KRTAP19-1: variants seen among roughly 807,000 people sequenced by gnomAD.
The protein encoded by KRTAP19-1 is keratin-associated protein 19-1.
For synonymous variants in KRTAP19-1, 45 were observed against 48.3 expected (o/e 0.93, Z 0.28); for missense variants, 116 against 113.6 (o/e 1.02, Z -0.10).
rs1313268568 is a variant in KRTAP19-1 at position 30,480,175 on chromosome 21, G to C, written c.143C>G (p.Ser48Cys). 6 of 1,613,592 alleles carry C rather than the reference G, an allele frequency of 3.7e-6. No individual in the cohort carries two copies. Among genetic ancestry groups the C allele is most frequent in the Non-Finnish European group, 5.1e-6 (6 of 1,179,736 alleles). The change falls in exon 1 of 1, where the codon TCT (serine) becomes TGT (cysteine). Residue 48 changes from serine (S) to cysteine (C), a missense_variant. By Grantham distance (112) the Ser-to-Cys change is moderately radical (BLOSUM62 -1). Transcript: ENST00000390689. ...GCCATATCCGTAGCTTCCAAAGCCA[G>C]AGCCATATCCGTAGCCTCCATAGCC... ...GCGYGGYGYGSGFGSYGYGSG... is the reference protein window; with the variant it reads ...GCGYGGYGYGCGFGSYGYGSG...
In KRTAP19-1 at chr21:30,479,817, A is replaced by G; in HGVS notation, c.*228T>C. ...AGAAAAATAAAGCAAATTTAGAAGA[A>G]CAACCTAGAGTAGTTATACATGAAT... On this transcript the variant is annotated 3_prime_UTR_variant, in exon 1 of 1. Coordinates refer to ENST00000390689, the MANE Select transcript of KRTAP19-1 (RefSeq NM_181607.3). 1 of 606,234 alleles carries G rather than the reference A, an allele frequency of 1.6e-6. No individual in the cohort carries two copies. Among genetic ancestry groups the G allele is most frequent in the Non-Finnish European group, 2.8e-6 (1 of 358,332 alleles). The allele number at this position is 606,234 out of a possible 1,614,324, so 37.6% of individuals were successfully genotyped here. A position where few individuals can be genotyped will look rare whatever the true frequency, so the allele number is the denominator to read the frequency against.
chr21:30,479,824 A>C lies in KRTAP19-1; in HGVS notation c.*221T>G. ...TAAAGCAAATTTAGAAGAACAACCT[A>C]GAGTAGTTATACATGAATATGATTT... On this transcript the variant is annotated 3_prime_UTR_variant, in exon 1 of 1. Transcript: ENST00000390689. The C allele has an allele frequency of 1.6e-6, 1 of 640,718 alleles. No individual in the cohort carries two copies. 39.7% of individuals were successfully genotyped at this position (640,718 alleles called of 1,614,324 possible). A position where few individuals can be genotyped will look rare whatever the true frequency, so the allele number is the denominator to read the frequency against.
In KRTAP19-1 at chr21:30,480,019, C is replaced by T; in HGVS notation, c.*26G>A. The T allele has an allele frequency of 6.2e-7, 1 of 1,614,100 alleles. No individual in the cohort carries two copies. The highest frequency in any genetic ancestry group is 8.5e-7 in the Non-Finnish European group (1 of 1,179,942). On this transcript the variant is annotated 3_prime_UTR_variant, in exon 1 of 1. Transcript: ENST00000390689. ...GACCAAACACATTTGGAGGTTTCTC[C>T]TCTGCTTCCAATTTCAGCAATTCAT...
Position 30,480,043 on chromosome 21 carries a change from AT to A in KRTAP19-1, c.*1del. ...CCTCTGCTTCCAATTTCAGCAATTC[AT>A]TTAATAAAAGCCAGAGAATCCGTAT... On this transcript the variant is annotated 3_prime_UTR_variant, in exon 1 of 1. Coordinates refer to ENST00000390689, the MANE Select transcript of KRTAP19-1 (RefSeq NM_181607.3). The A allele has an allele frequency of 1.9e-6, 3 of 1,614,214 alleles. No homozygotes were observed. The highest frequency in any genetic ancestry group is 2.5e-6 in the Non-Finnish European group (3 of 1,180,032).
In KRTAP19-1 at chr21:30,480,158, C is replaced by T. The variant is rs1405805975; in HGVS notation, c.160G>A (p.Gly54Arg). 2 of 1,613,590 alleles carry T rather than the reference C, an allele frequency of 1.2e-6. No homozygotes were observed. The highest frequency in any genetic ancestry group is 1.7e-6 in the Non-Finnish European group (2 of 1,179,902). Residue 54 changes from glycine to arginine, a missense_variant, in exon 1 of 1, where the codon GGA becomes AGA. Coordinates refer to ENST00000390689, the MANE Select transcript of KRTAP19-1 (RefSeq NM_181607.3). ...YGYGSGFGSY[G>R]YGSGFGGYGY... ...TAGCCTCCAAAGCCAGAGCCATATC[C>T]GTAGCTTCCAAAGCCAGAGCCATAT...
rs991477744 is a variant in KRTAP19-1, at chr21:30,479,909, A to G, written c.*136T>C. On this transcript the variant is annotated 3_prime_UTR_variant, in exon 1 of 1. Transcript: ENST00000390689. Reference sequence around the variant, plus strand: ...ATATTCACAGAAGCAGCTTAAATCTATTTTAAAGATTTAACATAGCTAAAT... The same window carrying G: ...ATATTCACAGAAGCAGCTTAAATCTGTTTTAAAGATTTAACATAGCTAAAT... The G allele has an allele frequency of 1.7e-6, 2 of 1,187,930 alleles. No individual in the cohort carries two copies. The highest frequency in any genetic ancestry group is 2.4e-6 in the Non-Finnish European group (2 of 837,368). 73.6% of individuals were successfully genotyped at this position (1,187,930 alleles called of 1,614,324 possible).
In KRTAP19-1 at chr21:30,479,950, C is replaced by T; in HGVS notation, c.*95G>A. The stretch of plus-strand genomic sequence containing the variant: ...ATAGCTAAATATCTCTCCATTGATG[C>T]TGAAGGCAATAGAATGGATTTTTGG... On this transcript the variant is annotated 3_prime_UTR_variant, in exon 1 of 1. Coordinates refer to ENST00000390689, the MANE Select transcript of KRTAP19-1 (RefSeq NM_181607.3). The T allele has an allele frequency of 6.8e-7, 1 of 1,460,592 alleles. No homozygotes were observed. Among genetic ancestry groups the T allele is most frequent in the Non-Finnish European group, 9.5e-7 (1 of 1,055,886 alleles). 90.5% of individuals were successfully genotyped at this position (1,460,592 alleles called of 1,614,324 possible).
chr21:30,480,096 G>A lies in KRTAP19-1; in HGVS notation c.222C>T (p.Gly74=). ...CTCCATTGTACGATGGGCGGCAGCA[G>A]CCATATCCATAGCCTCCAAAGCCAG... ...YGSGFGGYGY[G]CCRPSYNGGY... The change falls in exon 1 of 1, where the codon GGC becomes GGT. Residue 74 remains glycine (G), a synonymous_variant. Coordinates refer to ENST00000390689, the MANE Select transcript of KRTAP19-1 (RefSeq NM_181607.3). The A allele has an allele frequency of 1.2e-6, 2 of 1,614,018 alleles. No homozygotes were observed. The highest frequency in any genetic ancestry group is 8.5e-7 in the Non-Finnish European group (1 of 1,179,950).
the KRTAP19-1 span, chr21:30,480,071 C>A: frequency 6.2e-7 from 1 of 1,614,154 alleles, no homozygotes; most frequent in Non-Finnish European, 8.5e-7. Flanking sequence ...AATCCGTATC[C>A]TCCATTGTAC....
chr21:30,479,894 A>C lies in KRTAP19-1; in HGVS notation c.*151T>G. On this transcript the variant is annotated 3_prime_UTR_variant, in exon 1 of 1. Transcript: ENST00000390689. ...GTAAAAAGACAACAAATATTCACAGAAGCAGCTTAAATCTATTTTAAAGAT... is the reference window on the plus strand; with the variant it reads ...GTAAAAAGACAACAAATATTCACAGCAGCAGCTTAAATCTATTTTAAAGAT... 3 of 1,059,448 alleles carry C rather than the reference A, an allele frequency of 2.8e-6. No homozygotes were observed. The South Asian group carries it at 4.7e-5, about 17-fold the overall frequency. 65.6% of individuals were successfully genotyped at this position (1,059,448 alleles called of 1,614,324 possible).
Position 30,480,328 on chromosome 21 carries a change from G to A in KRTAP19-1, c.-11C>T, listed in dbSNP as rs1985740656. ...GCCGTAGTGACTCATGGTGTCAGGA[G>A]TGGTGAGTTGGTTTGTTGTTCAGGC... On this transcript the variant is annotated 5_prime_UTR_variant, in exon 1 of 1. Transcript: ENST00000390689. The A allele has an allele frequency of 6.2e-7, 1 of 1,613,846 alleles. No individual in the cohort carries two copies. The highest frequency in any genetic ancestry group is 1.3e-5 in the African/African-American group (1 of 74,928).
chr21:30,479,937 C>T lies in KRTAP19-1; in HGVS notation c.*108G>A. On this transcript the variant is annotated 3_prime_UTR_variant, in exon 1 of 1. Coordinates refer to ENST00000390689, the MANE Select transcript of KRTAP19-1 (RefSeq NM_181607.3). Reference sequence around the variant, plus strand: ...TTAAAGATTTAACATAGCTAAATATCTCTCCATTGATGCTGAAGGCAATAG... The same window carrying T: ...TTAAAGATTTAACATAGCTAAATATTTCTCCATTGATGCTGAAGGCAATAG... 7.4e-7 allele frequency: 1 copy of T among 1,350,244 alleles called. No individual in the cohort carries two copies. The highest frequency in any genetic ancestry group is 1.3e-5 in the South Asian group (1 of 76,142). 83.6% of individuals were successfully genotyped at this position (1,350,244 alleles called of 1,614,324 possible). A position where few individuals can be genotyped will look rare whatever the true frequency, so the allele number is the denominator to read the frequency against.
Position 30,480,306 on chromosome 21 carries a change from G to A in KRTAP19-1, c.12C>T (p.Tyr4=), listed in dbSNP as rs200649377. MSH[Y]GSYYGGLGYS... The stretch of plus-strand genomic sequence containing the variant: ...AGCCCAGGCCTCCGTAGTAGCTGCC[G>A]TAGTGACTCATGGTGTCAGGAGTGG... Residue 4 remains tyrosine, a synonymous_variant, in exon 1 of 1, where the codon TAC becomes TAT. Coordinates refer to ENST00000390689, the MANE Select transcript of KRTAP19-1 (RefSeq NM_181607.3). The A allele has an allele frequency of 5.8e-5, 93 of 1,614,046 alleles. No homozygotes were observed. Among genetic ancestry groups the A allele is most frequent in the Non-Finnish European group, 7.4e-5 (87 of 1,180,018 alleles).
At position 30,479,933 on chromosome 21, in the gene KRTAP19-1, A is replaced by G; in HGVS notation, c.*112T>C. 1 of 1,339,572 alleles carries G rather than the reference A, an allele frequency of 7.5e-7. No individual in the cohort carries two copies. The highest frequency in any genetic ancestry group is 1.0e-6 in the Non-Finnish European group (1 of 961,470). The allele number at this position is 1,339,572 out of a possible 1,614,324, so 83.0% of individuals were successfully genotyped here. Reference sequence around the variant, plus strand: ...TATTTTAAAGATTTAACATAGCTAAATATCTCTCCATTGATGCTGAAGGCA... The same window carrying G: ...TATTTTAAAGATTTAACATAGCTAAGTATCTCTCCATTGATGCTGAAGGCA... On this transcript the variant is annotated 3_prime_UTR_variant, in exon 1 of 1. Transcript: ENST00000390689.
Position 30,480,088 on chromosome 21 carries a change from C to A in KRTAP19-1, c.230G>T (p.Arg77Leu). Reference sequence around the variant, plus strand: ...TCCGTATCCTCCATTGTACGATGGGCGGCAGCAGCCATATCCATAGCCTCC... The same window carrying A: ...TCCGTATCCTCCATTGTACGATGGGAGGCAGCAGCCATATCCATAGCCTCC... ...GFGGYGYGCCRPSYNGGYGFS... is the reference protein window; with the variant it reads ...GFGGYGYGCCLPSYNGGYGFS... The change falls in exon 1 of 1, where the codon CGC becomes CTC. Residue 77 changes from arginine (R) to leucine (L), a missense_variant. Transcript: ENST00000390689. 6.2e-7 allele frequency: 1 copy of A among 1,614,036 alleles called. No homozygotes were observed. Among genetic ancestry groups the A allele is most frequent in the South Asian group, 1.1e-5 (1 of 91,068 alleles).
At position 30,480,082 on chromosome 21, in the gene KRTAP19-1, G is replaced by A. The variant is rs189744573; in HGVS notation, c.236C>T (p.Ser79Leu). The A allele has an allele frequency of 5.6e-6, 9 of 1,614,066 alleles. No homozygotes were observed. The East Asian group carries it at 6.7e-5, about 12-fold the overall frequency. ...GGYGYGCCRP[S>L]YNGGYGFSGF... The stretch of plus-strand genomic sequence containing the variant: ...AGAGAATCCGTATCCTCCATTGTAC[G>A]ATGGGCGGCAGCAGCCATATCCATA... The change falls in exon 1 of 1, where the codon TCG becomes TTG. Residue 79 changes from serine to leucine, a missense_variant. Transcript: ENST00000390689.
chr21:30,480,297 G>T, the KRTAP19-1 span: 1 of 1,614,228 alleles, frequency 6.2e-7, no homozygotes, highest in African/African-American at 1.3e-5. Context: ...GGCCTCCGTA[G>T]TAGCTGCCGT....
At position 30,479,784 on chromosome 21, in the gene KRTAP19-1, T is replaced by C. The variant is rs2123480995; in HGVS notation, c.*261A>G. On this transcript the variant is annotated 3_prime_UTR_variant, in exon 1 of 1. Coordinates refer to ENST00000390689, the MANE Select transcript of KRTAP19-1 (RefSeq NM_181607.3). ...ATCTTGATAGATAACATCAAGGTAA[T>C]GGTGGTAAGAAAAATAAAGCAAATT... 1 of 508,932 alleles carries C rather than the reference T, an allele frequency of 2.0e-6. No individual in the cohort carries two copies. Among genetic ancestry groups the C allele is most frequent in the Non-Finnish European group, 3.5e-6 (1 of 287,846 alleles). The allele number at this position is 508,932 out of a possible 1,614,324, so 31.5% of individuals were successfully genotyped here.
rs761585086 is a variant in KRTAP19-1, at chr21:30,480,033, T to C, written c.*12A>G. 3.7e-5 allele frequency: 59 copies of C among 1,614,078 alleles called. No individual in the cohort carries two copies. The highest frequency in any genetic ancestry group is 5.0e-5 in the Non-Finnish European group (59 of 1,180,036). On this transcript the variant is annotated 3_prime_UTR_variant, in exon 1 of 1. Coordinates refer to ENST00000390689, the MANE Select transcript of KRTAP19-1 (RefSeq NM_181607.3). ...GGAGGTTTCTCCTCTGCTTCCAATT[T>C]CAGCAATTCATTTAATAAAAGCCAG...
Sources: allele counts gnomAD v4.1 joint callset, GRCh38; gene constraint gnomAD v4.1.1; transcripts MANE v1.5; gene names NCBI Gene and HGNC (gene_info 2026-07-23, HGNC 2026-07-21).